Variants in TACC2 observed in about 807,000 individuals in gnomAD.
The protein encoded by TACC2 is transforming acidic coiled-coil-containing protein 2.
Under a neutral mutation model 227.3 loss-of-function variants are expected in TACC2, and 137 were observed. That is an observed-to-expected ratio of 0.60 (90% CI 0.52 to 0.69). The LOEUF (loss-of-function observed/expected upper bound fraction) is 0.69, where lower values mean the gene tolerates loss of function less well. TACC2 is among the 30% of genes least tolerant of loss of function. TACC2 has a pLI of 0.00. For synonymous variants in TACC2, 1,523 were observed against 1,487.5 expected (o/e 1.02, Z -0.55); for missense variants, 3,470 against 3,694.4 (o/e 0.94, Z 1.57).
At chr10:122,227,049 G>A (rs2095643563) in intron 13 of TACC2, among the ~76,000 whole-genome samples, 1 of 152,154 alleles carries the variant, frequency 6.6e-6, no homozygotes. Flanking sequence ...GACCTTGCAG[G>A]GATTTGATGA....
chr10:122,015,516 T>G (rs529740586), intron 1 of TACC2, among the ~76,000 whole-genome samples: 3 of 148,662 alleles, frequency 2.0e-5, no homozygotes, highest in Non-Finnish European at 4.4e-5. Context: ...AACAAACAAA[T>G]AAAGAAACAA....
intron 3 of TACC2, among the ~76,000 whole-genome samples, chr10:122,063,216 C>T (rs748533938): frequency 1.8e-4 from 27 of 152,244 alleles, no homozygotes; most frequent in African/African-American, 3.6e-4. Context: ...CACATCGGCC[C>T]GGGCCAGCTC....
chr10:122,021,086 C>G (rs957600418), intron 1 of TACC2, among the ~76,000 whole-genome samples: 2 of 152,006 alleles, frequency 1.3e-5, no homozygotes, highest in African/African-American at 4.8e-5. Context: ...AAAAATTAGC[C>G]AGGTGTGGTG....
intron 3 of TACC2, among the ~76,000 whole-genome samples, chr10:122,080,979 A>C (rs2079411386): frequency 6.6e-6 from 1 of 152,234 alleles, no homozygotes; most frequent in African/African-American, 2.4e-5. Flanking sequence ...TAGAAAAACC[A>C]TACTTATGTT....
At chr10:122,081,980 C>T (rs2079562993) in intron 3 of TACC2, among the ~76,000 whole-genome samples, 1 of 152,186 alleles carries the variant, frequency 6.6e-6, no homozygotes, top group South Asian at 2.1e-4. Flanking sequence ...GTAATCTTCA[C>T]AGGACTGGTT....
At chr10:122,107,416 C>T (rs941373515) in intron 5 of TACC2, among the ~76,000 whole-genome samples, 10 of 151,924 alleles carry the variant, frequency 6.6e-5, no homozygotes, top group Non-Finnish European at 1.2e-4. Flanking sequence ...TGGTGAAACC[C>T]CGTCTCTACT....
chr10:122,248,647 C>T lies in TACC2; in HGVS notation c.8397C>T (p.Asp2799=), dbSNP rs368788180. 5.0e-6 allele frequency: 8 copies of T among 1,612,772 alleles called. No individual in the cohort carries two copies. The highest frequency in any genetic ancestry group is 2.2e-5 in the South Asian group (2 of 90,990). ...GCTCCTGGTCTCTCCTGCCAGAGGA[C>T]GAACAGAGAGAGAAGTCAGTCTCCC... ...YEKTIAQMIE[D]EQREKSVSHQ... Residue 2799 remains aspartate, a synonymous_variant, in exon 20 of 23, where the codon GAC becomes GAT. Coordinates refer to ENST00000369005, the MANE Select transcript of TACC2 (RefSeq NM_206862.4).
At chr10:122,113,906 C>T (rs2084141646) in intron 5 of TACC2, among the ~76,000 whole-genome samples, 1 of 152,244 alleles carries the variant, frequency 6.6e-6, no homozygotes, top group African/African-American at 2.4e-5. Flanking sequence ...TGTCGGGGCG[C>T]TGGGATTTGC....
chr10:122,232,568 T>C (rs1014975054), intron 16 of TACC2, among the ~76,000 whole-genome samples: 4 of 152,208 alleles, frequency 2.6e-5, no homozygotes, highest in African/African-American at 7.2e-5. Flanking sequence ...AGGCGTATGC[T>C]CAAAGGAGTA....
intron 8 of TACC2, among the ~76,000 whole-genome samples, chr10:122,204,095 C>T (rs945734589): frequency 2.1e-5 from 3 of 145,748 alleles, no homozygotes; most frequent in African/African-American, 7.7e-5. Context: ...TGCAGTGAGC[C>T]GAGGTGGCAG....
At chr10:122,115,459 G>T (rs757657728) in intron 5 of TACC2, among the ~76,000 whole-genome samples, 12 of 152,206 alleles carry the variant, frequency 7.9e-5, no homozygotes, top group Non-Finnish European at 8.8e-5. Context: ...GGATATTTTT[G>T]GTTGTCCCAG....
chr10:122,172,877 T>C (rs1447961821), intron 7 of TACC2, among the ~76,000 whole-genome samples: 2 of 152,012 alleles, frequency 1.3e-5, no homozygotes, highest in African/African-American at 2.4e-5. Flanking sequence ...CATTCTGGCC[T>C]GTGTGTGAGA....
At chr10:122,097,558 G>T (rs570943322) in intron 5 of TACC2, among the ~76,000 whole-genome samples, 1 of 152,160 alleles carries the variant, frequency 6.6e-6, no homozygotes, top group South Asian at 2.1e-4. Flanking sequence ...GGCCCCAGGG[G>T]ACGGGGAGGG....
At chr10:122,230,021 A>G (rs2095706547) in intron 15 of TACC2, among the ~76,000 whole-genome samples, 1 of 152,236 alleles carries the variant, frequency 6.6e-6, no homozygotes, top group Non-Finnish European at 1.5e-5. Context: ...ATTCATGGAA[A>G]CTATTGGCCA....
At chr10:122,241,696 G>C in intron 18 of TACC2, 1 of 536,620 alleles carries the variant, frequency 1.9e-6, no homozygotes, top group East Asian at 3.0e-5. Context: ...CTCAATACCT[G>C]GGACTGCAGG....
chr10:122,190,502 C>G (rs1249077551), intron 7 of TACC2, among the ~76,000 whole-genome samples: 1 of 152,172 alleles, frequency 6.6e-6, no homozygotes, highest in African/African-American at 2.4e-5. Context: ...CCAGCACAGT[C>G]TGTCCCCACC....
At chr10:121,997,817 G>T (rs967772314) in intron 1 of TACC2, among the ~76,000 whole-genome samples, 2 of 152,132 alleles carry the variant, frequency 1.3e-5, no homozygotes, top group South Asian at 4.1e-4. Flanking sequence ...TACCCTTGGA[G>T]CATTGGTCAG....
chr10:122,132,583 A>G (rs1363966972), intron 5 of TACC2, 26 bp from the exon 6 acceptor site: 2 of 1,613,720 alleles, frequency 1.2e-6, no homozygotes, highest in South Asian at 1.1e-5. Flanking sequence ...TTCTGAGTTT[A>G]GGTTCTTTCC....
chr10:122,226,760 G>C (rs1472820338), intron 13 of TACC2, among the ~76,000 whole-genome samples: 2 of 152,124 alleles, frequency 1.3e-5, no homozygotes, highest in Non-Finnish European at 2.9e-5. Context: ...CAGTCTCTCT[G>C]AATGTCCACA....
Sources: gnomAD v4.1 joint callset for allele counts (sites outside exome capture counted in the v4.1 genomes callset) on GRCh38, gnomAD v4.1.1 for gene constraint, MANE v1.5 for transcripts, NCBI Gene and HGNC (gene_info 2026-07-23, HGNC 2026-07-21) for gene names.